C10orf67: variants seen among roughly 807,000 people sequenced by gnomAD.
The protein encoded by C10orf67 is uncharacterized protein C10orf67, mitochondrial.
C10orf67 carries 60 observed loss-of-function variants against 35.6 expected under a neutral mutation model. That is an observed-to-expected ratio of 1.68 (90% confidence interval 1.37 to 2.09). The LOEUF (loss-of-function observed/expected upper bound fraction) is 2.09. Among genes scored for constraint, C10orf67 ranks in the 30% most tolerant of loss-of-function variants. The pLI, the probability that C10orf67 is intolerant of heterozygous loss-of-function variation, is 0.00. For missense variants in C10orf67, 474 were observed against 330.2 expected (o/e 1.44, Z -3.38); for synonymous variants, 167 against 115.8 (o/e 1.44, Z -2.84).
At chr10:23,265,668 G>A (rs112701945) in intron 10 of C10orf67, among the ~76,000 whole-genome samples, 190 of 152,332 alleles carry the variant, frequency 1.2e-3, no homozygotes, top group African/African-American at 4.4e-3. Flanking sequence ...GTAGTGAGCA[G>A]TGCCTCATAA....
Position 23,341,811 on chromosome 10 carries a change from C to T in C10orf67, c.206+2758G>A, listed in dbSNP as rs891797005. Among the ~76,000 whole-genome samples the T allele has an allele frequency of 3.9e-5, 6 of 152,138 alleles. No individual in the cohort carries two copies. In the East Asian group the frequency reaches 9.6e-4, roughly 24 times the overall value. Reference sequence around the variant, plus strand: ...TGATAGATCCTTAGGGCTCCCCCCTCAAGCCTGCAAGTCTTCACCCCAGTG... The same window carrying T: ...TGATAGATCCTTAGGGCTCCCCCCTTAAGCCTGCAAGTCTTCACCCCAGTG... On this transcript the variant is annotated intron_variant, in intron 1 of 15. Coordinates refer to ENST00000636213, the MANE Select transcript of C10orf67 (RefSeq NM_001371909.1).
intron 12 of C10orf67, among the ~76,000 whole-genome samples, chr10:23,246,344 A>G (rs1195971729): frequency 2.0e-5 from 3 of 152,170 alleles, no homozygotes; most frequent in Non-Finnish European, 4.4e-5. Flanking sequence ...ATATCCCCTG[A>G]CCTAAAATAA....
intron 4 of C10orf67, among the ~76,000 whole-genome samples, chr10:23,313,328 G>A (rs1413450265): frequency 6.6e-6 from 1 of 152,230 alleles, no homozygotes; most frequent in East Asian, 1.9e-4. Flanking sequence ...CAAAACGTGA[G>A]TGAAAGAACA....
In C10orf67 at chr10:23,338,357, C is replaced by T. The variant is rs183905077; in HGVS notation, c.207-5175G>A. On this transcript the variant is annotated intron_variant, in intron 1 of 15. Transcript: ENST00000636213. The stretch of plus-strand genomic sequence containing the variant: ...AGGTGCTGAGTGTCTAACTAGTCAA[C>T]AGCAGAGATCAATACTGAGCTCCCA... Among the ~76,000 whole-genome samples the T allele has an allele frequency of 1.4e-3, 208 of 152,270 alleles. 2 individuals are homozygous for T. The highest frequency in any genetic ancestry group is 3.8e-3 in the African/African-American group (157 of 41,546).
intron 13 of C10orf67, among the ~76,000 whole-genome samples, chr10:23,238,783 A>C (rs1402418953): frequency 4.6e-5 from 7 of 152,212 alleles, no homozygotes; most frequent in African/African-American, 1.7e-4. Flanking sequence ...AGAGGGGAAA[A>C]AAGACACTAT....
chr10:23,339,492 T>C (rs770459128), intron 1 of C10orf67, among the ~76,000 whole-genome samples: 3 of 151,806 alleles, frequency 2.0e-5, no homozygotes, highest in Non-Finnish European at 4.4e-5. Flanking sequence ...GTAAGGAACT[T>C]TGACCTGTCT....
intron 12 of C10orf67, among the ~76,000 whole-genome samples, chr10:23,245,787 C>T (rs188255364): frequency 4.6e-5 from 7 of 152,260 alleles, no homozygotes; most frequent in Admixed American, 2.6e-4. Flanking sequence ...TGTGGAAATC[C>T]GTCTGAGATT....
intron 8 of C10orf67, among the ~76,000 whole-genome samples, chr10:23,273,217 T>C (rs927137851): frequency 2.0e-5 from 3 of 152,258 alleles, no homozygotes; most frequent in Admixed American, 2.0e-4. Context: ...TAAAATACAA[T>C]GTTGAATGGA....
chr10:23,277,559 A>T lies in C10orf67; in HGVS notation c.975+4454T>A, dbSNP rs558351233. 2.0e-4 allele frequency among the ~76,000 whole-genome samples: 30 copies of T among 152,144 alleles called. No homozygotes were observed. In the South Asian group the frequency reaches 4.8e-3, roughly 24 times the overall value. On this transcript the variant is annotated intron_variant, in intron 8 of 15. Transcript: ENST00000636213. ...CAGAGTATGACCAACTCCAAAAAAA[A>T]AAAAAAAATAATAACACACACACGT... is the stretch of plus-strand genomic sequence containing the variant.
At chr10:23,241,605 T>C (rs1459413149) in intron 12 of C10orf67, among the ~76,000 whole-genome samples, 2 of 152,196 alleles carry the variant, frequency 1.3e-5, no homozygotes, top group Admixed American at 6.5e-5. Context: ...GCAGATGTGG[T>C]AAGTTACATA....
intron 8 of C10orf67, among the ~76,000 whole-genome samples, chr10:23,273,368 G>A (rs1347472949): frequency 1.3e-5 from 2 of 152,210 alleles, no homozygotes; most frequent in Non-Finnish European, 1.5e-5. Context: ...CCAGTTTGCT[G>A]AGAGTATTTT....
chr10:23,275,273 A>G lies in C10orf67; in HGVS notation c.975+6740T>C, dbSNP rs1217050178. On this transcript the variant is annotated intron_variant, in intron 8 of 15. Transcript: ENST00000636213. ...GCTGAGGTGGGAGGATTGCTTGAGCACAGGAGTTCGAGATCAGCTTATGCA... is the reference window on the plus strand; with the variant it reads ...GCTGAGGTGGGAGGATTGCTTGAGCGCAGGAGTTCGAGATCAGCTTATGCA... Among the ~76,000 whole-genome samples the G allele has an allele frequency of 2.0e-5, 3 of 152,156 alleles. 1 individual carries two copies. In the South Asian group the frequency reaches 6.2e-4, roughly 32 times the overall value.
intron 5 of C10orf67, among the ~76,000 whole-genome samples, chr10:23,302,132 A>G (rs1340647514): frequency 6.6e-6 from 1 of 152,148 alleles, no homozygotes; most frequent in East Asian, 1.9e-4. Context: ...GAGCTCCCAT[A>G]CAAAGGGAGA....
intron 10 of C10orf67, among the ~76,000 whole-genome samples, chr10:23,257,728 A>G (rs1413246889): frequency 6.6e-6 from 1 of 151,898 alleles, no homozygotes; most frequent in African/African-American, 2.4e-5. Flanking sequence ...GCCTGAACCC[A>G]GGAGACAGAC....
At chr10:23,271,239 T>C (rs1365753725) in intron 8 of C10orf67, among the ~76,000 whole-genome samples, 1 of 152,234 alleles carries the variant, frequency 6.6e-6, no homozygotes, top group Non-Finnish European at 1.5e-5. Flanking sequence ...TGAATGTATA[T>C]GCACCCAATA....
At chr10:23,279,412 G>A (rs1437227581) in intron 8 of C10orf67, among the ~76,000 whole-genome samples, 1 of 152,222 alleles carries the variant, frequency 6.6e-6, no homozygotes, top group Non-Finnish European at 1.5e-5. Flanking sequence ...CATATAACAG[G>A]ACTGCACAGG....
intron 1 of C10orf67, chr10:23,344,330 A>T (rs1403994024): frequency 1.9e-6 from 1 of 534,004 alleles, no homozygotes; most frequent in African/African-American, 2.3e-5. Context: ...GGGAGGGAGC[A>T]CGCGCGGGAG....
chr10:23,247,697 G>A (rs553640225), intron 12 of C10orf67, among the ~76,000 whole-genome samples: 6 of 152,254 alleles, frequency 3.9e-5, no homozygotes, highest in African/African-American at 1.4e-4. Flanking sequence ...TTATCAAACT[G>A]ATTGGAAGAA....
intron 5 of C10orf67, among the ~76,000 whole-genome samples, chr10:23,297,013 A>C (rs1843899413): frequency 6.6e-6 from 1 of 152,214 alleles, no homozygotes; most frequent in Non-Finnish European, 1.5e-5. Flanking sequence ...CTGCAGGCAA[A>C]AGTATTTTTC....
Sources: gnomAD v4.1 joint callset for allele counts (sites outside exome capture counted in the v4.1 genomes callset) on GRCh38, gnomAD v4.1.1 for gene constraint, MANE v1.5 for transcripts, NCBI Gene and HGNC (gene_info 2026-07-23, HGNC 2026-07-21) for gene names.